ETV4: variants seen among roughly 807,000 people sequenced by gnomAD.
The protein encoded by ETV4 is ETS translocation variant 4.
Under a neutral mutation model 65.9 loss-of-function variants are expected in ETV4, and 42 were observed. That is an observed-to-expected ratio of 0.64 (90% CI 0.50 to 0.82). ETV4 has a LOEUF of 0.82. Among genes scored for constraint, ETV4 ranks in the 40% least tolerant of loss-of-function variants. The pLI is 0.00. For synonymous variants in ETV4, 238 were observed against 260.0 expected (o/e 0.92, Z 0.81); for missense variants, 583 against 630.3 (o/e 0.92, Z 0.80).
In ETV4 at chr17:43,532,950, T is replaced by C; in HGVS notation, c.546-11A>G. The C allele has an allele frequency of 6.4e-7, 1 of 1,553,490 alleles. No individual in the cohort carries two copies. Among genetic ancestry groups the C allele is most frequent in the Non-Finnish European group, 8.7e-7 (1 of 1,150,136 alleles). ...TGCTGGAAGACGGAGCTGGATGTGG[T>C]TGGATGGAGAAGGAAGAGAAGAGAA... On this transcript the variant is annotated splice_polypyrimidine_tract_variant and intron_variant, in intron 7 of 12. Coordinates refer to ENST00000319349, the MANE Select transcript of ETV4 (RefSeq NM_001079675.5).
chr17:43,529,605 G>A lies in ETV4; in HGVS notation c.1027C>T (p.Leu343=). 6.2e-7 allele frequency: 1 copy of A among 1,614,126 alleles called. No individual in the cohort carries two copies. Among genetic ancestry groups the A allele is most frequent in the Non-Finnish European group, 8.5e-7 (1 of 1,180,034 alleles). ...PPYQRRGALQ[L]WQFLVALLDD... is the part of the protein sequence containing the mutation. Reference sequence around the variant, plus strand: ...AGCAAGGCCACCAGAAATTGCCACAGCTGCAGGGCACCCCGGCGCTGGTAG... The same window carrying A: ...AGCAAGGCCACCAGAAATTGCCACAACTGCAGGGCACCCCGGCGCTGGTAG... Residue 343 remains leucine, a synonymous_variant, in exon 11 of 13, where the codon CTG becomes TTG. Transcript: ENST00000319349.
intron 4 of ETV4, among the ~76,000 whole-genome samples, chr17:43,543,669 C>A (rs1211090701): frequency 2.0e-5 from 3 of 152,150 alleles, no homozygotes; most frequent in Non-Finnish European, 2.9e-5. Context: ...GGAGACGGGG[C>A]AAAGCTCTGC....
chr17:43,545,789 G>A, intron 1 of ETV4, 121 bp from the exon 2 acceptor site: 2 of 624,026 alleles, frequency 3.2e-6, no homozygotes, highest in Non-Finnish European at 5.5e-6. Context: ...CTGGGGCGAT[G>A]GCGAGGTTTC....
At chr17:43,532,577 TGA>T (rs1971001310) in intron 8 of ETV4, 95 bp downstream of exon 8, 2 of 1,145,826 alleles carry the variant, frequency 1.7e-6, no homozygotes, top group South Asian at 1.6e-5. Context: ...GTTGGATGTA[TGA>T]AATGGTAAAC....
At position 43,528,730 on chromosome 17, in the gene ETV4, C is replaced by T. The variant is rs373515634; in HGVS notation, c.1244G>A (p.Arg415His). ...CTCACACACAAACTTGTACACGTAA[C>T]GCTCACCAGCCACCTATGGGGAGAG... ...KGIMQKVAGE[R>H]YVYKFVCEPE... Residue 415 changes from arginine to histidine, a missense_variant, in exon 13 of 13, where the codon CGT (arginine) becomes CAT (histidine). Arg to His is a conservative substitution (Grantham distance 29). Coordinates refer to ENST00000319349, the MANE Select transcript of ETV4 (RefSeq NM_001079675.5). 194 of 1,614,042 alleles carry T rather than the reference C, an allele frequency of 1.2e-4. No individual in the cohort carries two copies. In the Middle Eastern group the frequency reaches 3.5e-3, roughly 29 times the overall value.
Position 43,532,715 on chromosome 17 carries a change from AC to A in ETV4, c.769del (p.Val257TrpfsTer2), listed in dbSNP as rs749956783. The A allele has an allele frequency of 1.9e-6, 3 of 1,607,674 alleles. No homozygotes were observed. Among genetic ancestry groups the A allele is most frequent in the Non-Finnish European group, 2.6e-6 (3 of 1,176,166 alleles). Reference protein sequence around the residue: ...VNGHRYPGAGVVIKQEQTDFA... With the variant: ...VNGHRYPGAGXVIKQEQTDFA... Reference sequence around the variant, plus strand: ...GTCCGTCTGTTCCTGTTTGATCACCACCCCCGCCCCTGGGTACCTGTGCCCA... The same window carrying A: ...GTCCGTCTGTTCCTGTTTGATCACCACCCCGCCCCTGGGTACCTGTGCCCA... On this transcript the variant is annotated frameshift_variant, in exon 8 of 13. Coordinates refer to ENST00000319349, the MANE Select transcript of ETV4 (RefSeq NM_001079675.5). LOFTEE classifies it high-confidence loss of function.
intron 4 of ETV4, among the ~76,000 whole-genome samples, chr17:43,543,168 G>A (rs1311198440): frequency 1.3e-5 from 2 of 151,826 alleles, no homozygotes; most frequent in Non-Finnish European, 2.9e-5. Context: ...GGGAACCAAG[G>A]AGATCCCAGC....
intron 4 of ETV4, among the ~76,000 whole-genome samples, chr17:43,541,400 C>T (rs779427278): frequency 3.9e-5 from 6 of 152,330 alleles, no homozygotes; most frequent in Middle Eastern, 3.4e-3. Flanking sequence ...TCCCCAGCTC[C>T]ATCCCGGTAC....
chr17:43,531,755 G>A (rs569691133), intron 8 of ETV4, among the ~76,000 whole-genome samples: 3 of 152,272 alleles, frequency 2.0e-5, no homozygotes, highest in Middle Eastern at 3.4e-3. Flanking sequence ...TTGAGAACTA[G>A]CAAGAACCAT....
At chr17:43,532,544 G>T in intron 8 of ETV4, 130 bp downstream of exon 8, 2 of 830,510 alleles carry the variant, frequency 2.4e-6, no homozygotes, top group Non-Finnish European at 3.7e-6. Context: ...TTGAAATTAT[G>T]AAGAAAAAAA....
chr17:43,531,011 C>T (rs1161647247), intron 8 of ETV4, among the ~76,000 whole-genome samples: 1 of 152,180 alleles, frequency 6.6e-6, no homozygotes, highest in Non-Finnish European at 1.5e-5. Context: ...CGGTCTACAG[C>T]CTTTGAAGGT....
At position 43,532,856 on chromosome 17, in the gene ETV4, T is replaced by C; in HGVS notation, c.629A>G (p.Gln210Arg). Residue 210 changes from glutamine (Q) to arginine (R), a missense_variant, in exon 8 of 13, where the codon CAA becomes CGA. Transcript: ENST00000319349. ...TGGGCAGGGCTCCGACAGCTGGTGT[T>C]GGTAGGGGGCTGGGAGGGGTTCCCG... ...GGREPLPAPY[Q>R]HQLSEPCPPY... 6.2e-7 allele frequency: 1 copy of C among 1,613,304 alleles called. No individual in the cohort carries two copies. The highest frequency in any genetic ancestry group is 8.5e-7 in the Non-Finnish European group (1 of 1,179,512).
Position 43,529,958 on chromosome 17 carries a change from G to A in ETV4, c.887-6C>T, listed in dbSNP as rs368062385. ...AGGTTTCTCATAGCCATAGCCTTGT[G>A]GAGGAAATTGGGGGTTGCTCAGATC... On this transcript the variant is annotated splice_region_variant and splice_polypyrimidine_tract_variant and intron_variant, in intron 9 of 12. Transcript: ENST00000319349. The A allele has an allele frequency of 2.5e-6, 4 of 1,614,144 alleles. No individual in the cohort carries two copies. The highest frequency in any genetic ancestry group is 1.7e-5 in the Admixed American group (1 of 60,026).
intron 12 of ETV4, 142 bp downstream of exon 12, chr17:43,528,993 T>C: frequency 1.2e-6 from 1 of 867,146 alleles, no homozygotes; most frequent in Non-Finnish European, 1.9e-6. Context: ...ACCTTGGGAT[T>C]CTCCACAATT....
At chr17:43,534,633 T>C (rs956285575) in intron 5 of ETV4, among the ~76,000 whole-genome samples, 5 of 152,126 alleles carry the variant, frequency 3.3e-5, no homozygotes, top group African/African-American at 9.7e-5. Context: ...TGTTTTCTTA[T>C]TTGAGGATAT....
intron 6 of ETV4, among the ~76,000 whole-genome samples, 160 bp downstream of exon 6, chr17:43,533,699 C>T (rs934359670): frequency 1.3e-5 from 2 of 152,078 alleles, no homozygotes; most frequent in African/African-American, 4.8e-5. Flanking sequence ...TCCGTCTATT[C>T]AGAGGAAATC....
Position 43,545,623 on chromosome 17 carries a change from C to T in ETV4, c.-6G>A, listed in dbSNP as rs1393761693. The T allele has an allele frequency of 2.6e-6, 4 of 1,550,470 alleles. No individual in the cohort carries two copies. Among genetic ancestry groups the T allele is most frequent in the Non-Finnish European group, 3.5e-6 (4 of 1,146,814 alleles). ...GCTTTCATCCTCCGCTCCATCCGGC[C>T]GCTCCCTCCGGCCGCACGGCCGGGG... On this transcript the variant is annotated 5_prime_UTR_variant, in exon 2 of 13. Coordinates refer to ENST00000319349, the MANE Select transcript of ETV4 (RefSeq NM_001079675.5).
rs1418797104 is a variant in ETV4, at chr17:43,529,913, T to C, written c.926A>G (p.Asp309Gly). The C allele has an allele frequency of 6.2e-7, 1 of 1,614,070 alleles. No homozygotes were observed. The highest frequency in any genetic ancestry group is 1.1e-5 in the South Asian group (1 of 91,058). The change falls in exon 10 of 13, where the codon GAT becomes GGT. Residue 309 changes from aspartate to glycine, a missense_variant. Coordinates refer to ENST00000319349, the MANE Select transcript of ETV4 (RefSeq NM_001079675.5). ...AAATTTCTCAGGGACAACGCAGACA[T>C]CATCTGGGAATGGTCGCAGAGGTTT... is the stretch of plus-strand genomic sequence containing the variant. ...YEKPLRPFPD[D>G]VCVVPEKFEG...
intron 5 of ETV4, among the ~76,000 whole-genome samples, chr17:43,535,879 G>A (rs1194580848): frequency 2.6e-5 from 4 of 152,204 alleles, no homozygotes; most frequent in Admixed American, 1.3e-4. Context: ...ATGGGAGGCC[G>A]AGGTGGGCGG....
Sources: gnomAD v4.1 joint callset for allele counts (sites outside exome capture counted in the v4.1 genomes callset) on GRCh38, gnomAD v4.1.1 for gene constraint, MANE v1.5 for transcripts, NCBI Gene and HGNC (gene_info 2026-07-23, HGNC 2026-07-21) for gene names.